Variants in C3 observed in about 807,000 individuals in gnomAD.
The protein encoded by C3 is C3 and PZP-like alpha-2-macroglobulin domain-containing protein 1.
C3 carries 97 observed loss-of-function variants against 207.9 expected under a neutral mutation model. That is an observed-to-expected ratio of 0.47 (90% CI 0.40 to 0.55). C3 has a LOEUF of 0.55. C3 is among the 20% of genes least tolerant of loss of function. C3 has a pLI of 0.00. For synonymous variants in C3, 848 were observed against 857.6 expected, an observed-to-expected ratio of 0.99 and a Z score of 0.20; for missense variants, 1,684 against 2,171.7, an observed-to-expected ratio of 0.78 and a Z score of 4.46.
rs751515285 is a variant in C3, at chr19:6,697,073, TAAA to T, written c.2796+268_2796+270del. Reference sequence around the variant, plus strand: ...ATAAACAAACAAATAAATAAATAAATAAAAAATTTCAAATCGAGTATAAAAAAA... The same window carrying T: ...ATAAACAAACAAATAAATAAATAAATAAATTTCAAATCGAGTATAAAAAAA... On this transcript the variant is annotated intron_variant, in intron 21 of 40. Transcript: ENST00000245907. 9.3e-4 allele frequency among the ~76,000 whole-genome samples: 70 copies of T among 75,510 alleles called. 6 individuals are homozygous for T. Among genetic ancestry groups the T allele is most frequent in the South Asian group, 4.6e-3 (10 of 2,152 alleles). 49.5% of individuals were successfully genotyped at this position (75,510 alleles called of 152,430 possible).
rs1304420990 is a variant in C3, at chr19:6,686,145, A to G, written c.3789T>C (p.Gly1263=). 6.2e-7 allele frequency: 1 copy of G among 1,614,152 alleles called. No individual in the cohort carries two copies. The highest frequency in any genetic ancestry group is 1.7e-5 in the Admixed American group (1 of 60,030). ...TTGCCTGGGTAGAGCCATAGCCACC[A>G]CCGTAGTATCTCTGTTCATTGAGCC... The part of the protein sequence containing the change: ...VRWLNEQRYY[G]GGYGSTQATF... The change falls in exon 29 of 41, where the codon GGT becomes GGC. Residue 1263 remains glycine (G), a synonymous_variant. Transcript: ENST00000245907.
Position 6,697,763 on chromosome 19 carries a change from T to C in C3, c.2472A>G (p.Thr824=). The change falls in exon 20 of 41, where the codon ACA becomes ACG. Residue 824 remains threonine, a synonymous_variant. Transcript: ENST00000245907. ...GICVADPFEV[T]VMQDFFIDLR... is the part of the protein sequence containing the mutation. ...GGTCGATGAAGAAGTCCTGCATTAC[T>C]GTGACCTCGAAGGGGTCTGCCACAC... The C allele has an allele frequency of 6.2e-7, 1 of 1,613,848 alleles. No homozygotes were observed. Among genetic ancestry groups the C allele is most frequent in the South Asian group, 1.1e-5 (1 of 91,064 alleles).
At chr19:6,715,900 T>C (rs1968024438) in intron 4 of C3, among the ~76,000 whole-genome samples, 1 of 152,052 alleles carries the variant, frequency 6.6e-6, no homozygotes, top group Non-Finnish European at 1.5e-5. Flanking sequence ...GCTGGGATTA[T>C]AGGAGTGAGC....
intron 19 of C3, among the ~76,000 whole-genome samples, chr19:6,698,235 T>C (rs1568217942): frequency 6.6e-6 from 1 of 152,036 alleles, no homozygotes; most frequent in African/African-American, 2.4e-5. Flanking sequence ...CAGGATGGTC[T>C]CGATCTCTTG....
chr19:6,692,875 G>A (rs767962964), intron 26 of C3, 49 bp downstream of exon 26: 5 of 1,598,338 alleles, frequency 3.1e-6, no homozygotes, highest in Non-Finnish European at 4.3e-6. Flanking sequence ...CATCCTGCGA[G>A]ACTCAGGAGC....
At chr19:6,709,611 T>TGGCCCCCCCCCCCCCCCCCCCCCCCCC in intron 14 of C3, 73 bp downstream of exon 14, 1 of 1,109,440 alleles carries the variant, frequency 9.0e-7, no homozygotes, top group Admixed American at 1.8e-5. Flanking sequence ...CCCTCTCCAG[T>TGGCCCCCCCCCCCCCCCCCCCCCCCCC]CCCACCCACC....
chr19:6,690,589 G>C lies in C3; in HGVS notation c.3489+40C>G, dbSNP rs376368705. On this transcript the variant is annotated intron_variant, in intron 27 of 40. Transcript: ENST00000245907. ...CTCCAAGGTGGCTGTGCTCTGCATC[G>C]GGTAAGGTAGGGTAGGGTGGGAAGA... The C allele has an allele frequency of 8.5e-6, 13 of 1,522,656 alleles. No homozygotes were observed. The South Asian group carries it at 1.5e-4, about 17-fold the overall frequency. The allele number at this position is 1,522,656 out of a possible 1,614,324, so 94.3% of individuals were successfully genotyped here.
chr19:6,683,783 T>G (rs1015712166), intron 33 of C3, among the ~76,000 whole-genome samples: 30 of 152,228 alleles, frequency 2.0e-4, no homozygotes, highest in Non-Finnish European at 8.8e-5. Context: ...GGCAGTATGA[T>G]AATTTTAAAT....
chr19:6,695,202 T>C (rs564372316), intron 23 of C3, among the ~76,000 whole-genome samples: 23 of 147,366 alleles, frequency 1.6e-4, no homozygotes, highest in African/African-American at 5.8e-4. Context: ...CCCGGGAGGC[T>C]GGGGTTGCAG....
intron 22 of C3, 54 bp from the exon 23 acceptor site, chr19:6,696,519 A>G (rs1967537311): frequency 6.3e-7 from 1 of 1,591,300 alleles, no homozygotes; most frequent in East Asian, 2.2e-5. Flanking sequence ...GCCCTATCCT[A>G]CCTCACTAAA....
At chr19:6,697,183 A>G (rs1599509912) in intron 21 of C3, among the ~76,000 whole-genome samples, 161 bp downstream of exon 21, 3 of 137,974 alleles carry the variant, frequency 2.2e-5, no homozygotes, top group East Asian at 2.2e-4. Context: ...CTTTACCCCA[A>G]TCCTGGCTCT....
rs1918144043 is a variant in C3 at position 6,690,711 on chromosome 19, T to C, written c.3407A>G (p.Asn1136Ser). 1.2e-6 allele frequency: 2 copies of C among 1,614,166 alleles called. No individual in the cohort carries two copies. The change falls in exon 27 of 41, where the codon AAC (asparagine) becomes AGC (serine). Residue 1136 changes from asparagine (N) to serine (S), a missense_variant. Physicochemically the swap from Asn to Ser is conservative, Grantham distance 46 (BLOSUM62 1). Coordinates refer to ENST00000245907, the MANE Select transcript of C3 (RefSeq NM_000064.4). Reference protein sequence around the residue: ...HQEMIGGLRNNNEKDMALTAF... With the variant: ...HQEMIGGLRNSNEKDMALTAF... The stretch of plus-strand genomic sequence containing the variant: ...CGTGAGGGCCATGTCTTTCTCGTTG[T>C]TGTTCCGTAATCCACCCTGAGATAG...
intron 23 of C3, among the ~76,000 whole-genome samples, 191 bp from the exon 24 acceptor site, chr19:6,694,825 G>A (rs1351955095): frequency 6.6e-6 from 1 of 152,210 alleles, no homozygotes. Flanking sequence ...GCACTGTTAG[G>A]AGTGGGAGGT....
chr19:6,713,412 T>C lies in C3; in HGVS notation c.871A>G (p.Ile291Val), dbSNP rs1388164248. The C allele has an allele frequency of 6.2e-7, 1 of 1,613,812 alleles. No individual in the cohort carries two copies. Among genetic ancestry groups the C allele is most frequent in the African/African-American group, 1.3e-5 (1 of 74,864 alleles). ...RISLPESLKR[I>V]PIEDGSGEVV... ...GCGGCCTCCGTCTATGGTACCGGAA[T>C]GCGCTTGAGGGATTCAGGCAGGGAA... is the stretch of plus-strand genomic sequence containing the variant. Residue 291 changes from isoleucine to valine, a missense_variant, in exon 8 of 41, where the codon ATT becomes GTT. This residue lies in a region of C3 where 1,280 missense variants were observed against 1,739.1 expected (regional missense o/e 0.74). Transcript: ENST00000245907.
At chr19:6,696,543 C>A in intron 22 of C3, 50 bp downstream of exon 22, 1 of 1,601,916 alleles carries the variant, frequency 6.2e-7, no homozygotes, top group Non-Finnish European at 8.6e-7. Flanking sequence ...AGGTCATTTA[C>A]CCCCCTTACC....
chr19:6,712,841 C>A (rs571861421), intron 9 of C3, among the ~76,000 whole-genome samples: 9 of 152,178 alleles, frequency 5.9e-5, no homozygotes, highest in African/African-American at 2.2e-4. Flanking sequence ...CCTGTGACCC[C>A]CATCAGACCG....
chr19:6,678,461 G>A lies in C3; in HGVS notation c.4631-6C>T, dbSNP rs775109096. The A allele has an allele frequency of 6.2e-6, 10 of 1,613,596 alleles. No individual in the cohort carries two copies. The highest frequency in any genetic ancestry group is 2.2e-5 in the East Asian group (1 of 44,876). Reference sequence around the variant, plus strand: ...GACCAGTCGGGTCTTGTACACTGTGGGGGAGAGGCAGACAGTTTGGGTGGT... The same window carrying A: ...GACCAGTCGGGTCTTGTACACTGTGAGGGAGAGGCAGACAGTTTGGGTGGT... On this transcript the variant is annotated splice_region_variant and splice_polypyrimidine_tract_variant and intron_variant, in intron 38 of 40. Transcript: ENST00000245907.
At chr19:6,696,736 C>T in intron 21 of C3, 77 bp from the exon 22 acceptor site, 2 of 1,401,528 alleles carry the variant, frequency 1.4e-6, no homozygotes, top group East Asian at 2.3e-5. Flanking sequence ...CAGCAGGGCA[C>T]TGTCCTTAGG....
intron 17 of C3, among the ~76,000 whole-genome samples, chr19:6,706,834 C>T: frequency 6.9e-6 from 1 of 144,242 alleles, no homozygotes; most frequent in Admixed American, 6.7e-5. Flanking sequence ...TCAAGGCCTC[C>T]TCCCTCCTCA....
Sources: gnomAD v4.1 joint callset for allele counts (sites outside exome capture counted in the v4.1 genomes callset) on GRCh38, gnomAD v4.1.1 for gene constraint, gnomAD v4.1.1 regional missense constraint, MANE v1.5 for transcripts, NCBI Gene and HGNC (gene_info 2026-07-23, HGNC 2026-07-21) for gene names.